Variants in ASMT observed in about 807,000 individuals in gnomAD.
ASMT encodes the protein acetylserotonin O-methyltransferase.
In ASMT, 53 loss-of-function variants were observed where a neutral mutation model predicts 41.3. That is an observed-to-expected ratio of 1.28 (90% CI 1.03 to 1.61). The LOEUF is 1.61. Ranked by LOEUF, ASMT falls within the 40% of genes most tolerant of loss-of-function variation. The pLI, the probability that ASMT is intolerant of heterozygous loss-of-function variation, is 0.00. For synonymous variants in ASMT, 231 were observed against 184.8 expected, an observed-to-expected ratio of 1.25 and a Z score of -2.03; for missense variants, 531 against 441.3, an observed-to-expected ratio of 1.20 and a Z score of -1.82.
At position 1,623,006 on chromosome X, in the gene ASMT, A is replaced by AT. The variant is rs1338823228; in HGVS notation, c.70-133_70-132insT. 14 of 819,100 alleles carry AT rather than the reference A, an allele frequency of 1.7e-5. No individual in the cohort carries two copies. In the African/African-American group the frequency reaches 1.7e-4, roughly 10 times the overall value. 50.7% of individuals were successfully genotyped at this position (819,100 alleles called of 1,614,324 possible). ...CTCATTTGACTCTGTCTCAAAAAAAAAAATAAATAAATGAATAAGAATATA... is the reference window on the plus strand; with the variant it reads ...CTCATTTGACTCTGTCTCAAAAAAAATAAATAAATAAATGAATAAGAATATA... On this transcript the variant is annotated intron_variant, in intron 1 of 8. Coordinates refer to ENST00000381241, the MANE Select transcript of ASMT (RefSeq NM_001171038.2).
chrX:1,635,588 A>C (rs1934928696), intron 7 of ASMT, among the ~76,000 whole-genome samples: 1 of 152,036 alleles, frequency 6.6e-6, no homozygotes, highest in Admixed American at 6.6e-5. Flanking sequence ...TGGGCCGGGC[A>C]CAGCAGCTCA....
intron 5 of ASMT, among the ~76,000 whole-genome samples, chrX:1,631,642 C>A (rs1312253004): frequency 1.3e-5 from 2 of 151,958 alleles, no homozygotes; most frequent in Non-Finnish European, 2.9e-5. Context: ...AGACCGGGCG[C>A]GGTGGCTCAC....
At position 1,624,298 on chromosome X, in the gene ASMT, G is replaced by A. The variant is rs778293220; in HGVS notation, c.274G>A (p.Asp92Asn). 12 of 1,613,830 alleles carry A rather than the reference G, an allele frequency of 7.4e-6. No homozygotes were observed. The highest frequency in any genetic ancestry group is 6.7e-5 in the East Asian group (3 of 44,896). Residue 92 changes from aspartate to asparagine, a missense_variant, in exon 3 of 9, where the codon GAC becomes AAC. Physicochemically the swap from Asp to Asn is conservative, Grantham distance 23. Transcript: ENST00000381241. ...AFYRNTELSS[D>N]YLTTVSPTSQ... ...CTATCGAAACACAGAGCTGTCCAGC[G>A]ACTACCTGACCACGGTCAGCCCGAC...
chrX:1,627,608 TGAAATGAAATGAAACGAAATGAAAC>T, intron 3 of ASMT, 70 bp from the exon 4 acceptor site: 3 of 1,296,890 alleles, frequency 2.3e-6, no homozygotes, highest in Non-Finnish European at 3.4e-6. Context: ...GCTACAGAGC[TGAAATGAAATGAAACGAAATGAAAC>T]GAAATGAAAT....
At chrX:1,636,012 A>C (rs193227344) in intron 7 of ASMT, among the ~76,000 whole-genome samples, 1 of 149,026 alleles carries the variant, frequency 6.7e-6, no homozygotes, top group Non-Finnish European at 1.5e-5. Context: ...CTGGAGTGCA[A>C]TGGTGCAATC....
chrX:1,615,584 C>A (rs1374132152), intron 1 of ASMT, among the ~76,000 whole-genome samples: 3 of 151,984 alleles, frequency 2.0e-5, no homozygotes, highest in Non-Finnish European at 2.9e-5. Context: ...GGGCGGATCA[C>A]CTGAGGTCGG....
chrX:1,616,671 A>C (rs754749083), intron 1 of ASMT, among the ~76,000 whole-genome samples: 1 of 151,308 alleles, frequency 6.6e-6, no homozygotes, highest in African/African-American at 2.4e-5. Flanking sequence ...GGAATTCGAG[A>C]CCAGTCTGGG....
chrX:1,632,549 G>A (rs1330706875), intron 5 of ASMT, among the ~76,000 whole-genome samples, 155 bp from the exon 6 acceptor site: 10 of 152,072 alleles, frequency 6.6e-5, no homozygotes, highest in Non-Finnish European at 1.5e-4. Context: ...CAGCTACTGG[G>A]GAGGCTGAGG....
chrX:1,625,542 AAGGGAGGGAGGG>A (rs1209503614), intron 3 of ASMT, among the ~76,000 whole-genome samples: 3 of 68,316 alleles, frequency 4.4e-5, no homozygotes, highest in South Asian at 1.5e-3. Context: ...GGAAGGAAGG[AAGGGAGGGAGGG>A]AGGGAGGGAG....
At chrX:1,615,355 G>C in intron 1 of ASMT, 87 bp downstream of exon 1, 1 of 1,258,698 alleles carries the variant, frequency 7.9e-7, no homozygotes, top group Admixed American at 2.0e-5. Flanking sequence ...GAAAAATGAT[G>C]AGTCTCCATC....
intron 3 of ASMT, among the ~76,000 whole-genome samples, chrX:1,626,655 C>G (rs1451778293): frequency 1.3e-5 from 2 of 152,102 alleles, no homozygotes; most frequent in African/African-American, 4.8e-5. Flanking sequence ...GAGCATAACT[C>G]CCTAGGCCCC....
intron 8 of ASMT, among the ~76,000 whole-genome samples, chrX:1,636,858 A>C (rs1421181246): frequency 6.6e-6 from 1 of 152,220 alleles, no homozygotes; most frequent in Non-Finnish European, 1.5e-5. Flanking sequence ...ACAGTGCCCC[A>C]CTGACTTCTG....
intron 1 of ASMT, among the ~76,000 whole-genome samples, chrX:1,616,579 G>A (rs1248268328): frequency 6.6e-6 from 1 of 151,368 alleles, no homozygotes; most frequent in African/African-American, 2.4e-5. Context: ...GCTTGAAAAG[G>A]GTTAATGATG....
intron 5 of ASMT, among the ~76,000 whole-genome samples, chrX:1,632,332 G>C (rs145529490): frequency 6.6e-6 from 1 of 152,060 alleles, no homozygotes. Context: ...TCACGTCACC[G>C]TCAAGATTAG....
chrX:1,627,783 C>A lies in ASMT; in HGVS notation c.443+12C>A. Reference sequence around the variant, plus strand: ...ACGGCCATCTACAGGTAACACCCATCACTTTGAAACCAACAACTCAGATAA... The same window carrying A: ...ACGGCCATCTACAGGTAACACCCATAACTTTGAAACCAACAACTCAGATAA... On this transcript the variant is annotated intron_variant, in intron 4 of 8. Coordinates refer to ENST00000381241, the MANE Select transcript of ASMT (RefSeq NM_001171038.2). 1 of 1,612,204 alleles carries A rather than the reference C, an allele frequency of 6.2e-7. No homozygotes were observed. The highest frequency in any genetic ancestry group is 8.5e-7 in the Non-Finnish European group (1 of 1,178,246).
chrX:1,617,489 C>T (rs1213748152), intron 1 of ASMT, among the ~76,000 whole-genome samples: 1 of 151,694 alleles, frequency 6.6e-6, no homozygotes, highest in Non-Finnish European at 1.5e-5. Flanking sequence ...AAACCAAAAA[C>T]CAGCATCATC....
At chrX:1,616,211 T>G (rs1934101157) in intron 1 of ASMT, among the ~76,000 whole-genome samples, 1 of 150,590 alleles carries the variant, frequency 6.6e-6, no homozygotes. Flanking sequence ...GTATTTTTAG[T>G]AGAGATGGGG....
At chrX:1,635,585 G>T (rs1210092588) in intron 7 of ASMT, among the ~76,000 whole-genome samples, 1 of 152,006 alleles carries the variant, frequency 6.6e-6, no homozygotes, top group Admixed American at 6.6e-5. Context: ...ACATGGGCCG[G>T]GCACAGCAGC....
intron 8 of ASMT, among the ~76,000 whole-genome samples, chrX:1,641,971 T>A (rs1342100630): frequency 7.6e-6 from 1 of 131,588 alleles, no homozygotes; most frequent in Non-Finnish European, 1.6e-5. Context: ...GTCTGTGAGG[T>A]CCACCCATCC....
Sources: allele counts gnomAD v4.1 joint callset (sites outside exome capture counted in the v4.1 genomes callset), GRCh38; gene constraint gnomAD v4.1.1; transcripts MANE v1.5; gene names NCBI Gene and HGNC (gene_info 2026-07-23, HGNC 2026-07-21).